The following KCNU1 variants were observed in gnomAD, a reference collection of about 807,000 sequenced individuals.
KCNU1 encodes potassium calcium-activated channel subfamily U member 1.
KCNU1 carries 93 observed loss-of-function variants against 126.8 expected under a neutral mutation model. The observed-to-expected ratio is 0.73, with a 90% CI of 0.62 to 0.87. The LOEUF (loss-of-function observed/expected upper bound fraction) is 0.87. Among genes scored for constraint, KCNU1 ranks in the 40% least tolerant of loss-of-function variants. The pLI, the probability that KCNU1 is intolerant of heterozygous loss-of-function variation, is 0.00. For synonymous variants in KCNU1, 523 were observed against 494.2 expected, an observed-to-expected ratio of 1.06 and a Z score of -0.77; for missense variants, 1,330 against 1,367.1, an observed-to-expected ratio of 0.97 and a Z score of 0.43.
At chr8:36,861,068 A>G (rs1016373803) in intron 18 of KCNU1, among the ~76,000 whole-genome samples, 1 of 152,126 alleles carries the variant, frequency 6.6e-6, no homozygotes, top group Non-Finnish European at 1.5e-5. Context: ...AGCTTAGCTT[A>G]TTTAACAGCA....
intron 22 of KCNU1, among the ~76,000 whole-genome samples, chr8:36,918,401 AT>A (rs1004035763): frequency 8.6e-5 from 13 of 151,992 alleles, no homozygotes; most frequent in Admixed American, 4.6e-4. Context: ...AAAAAAAAAA[AT>A]AAATTAGCTG....
At chr8:36,926,005 A>G (rs761309651) in intron 24 of KCNU1, among the ~76,000 whole-genome samples, 4 of 152,210 alleles carry the variant, frequency 2.6e-5, no homozygotes, top group South Asian at 2.1e-4. Flanking sequence ...CTTTTCCTAC[A>G]TAGATCTCTA....
chr8:36,837,010 A>G, intron 14 of KCNU1, 65 bp downstream of exon 14: 1 of 1,530,146 alleles, frequency 6.5e-7, no homozygotes. Flanking sequence ...AAGATCAGAA[A>G]TAGGAAAAAA....
intron 2 of KCNU1, among the ~76,000 whole-genome samples, 194 bp from the exon 3 acceptor site, chr8:36,803,833 T>G (rs564135678): frequency 7.9e-5 from 12 of 152,208 alleles, no homozygotes; most frequent in Non-Finnish European, 1.5e-4. Flanking sequence ...TTTTTAATAC[T>G]CAGAAAAGGT....
chr8:36,814,411 C>G (rs1386963405), intron 8 of KCNU1, 34 bp downstream of exon 8: 4 of 1,408,504 alleles, frequency 2.8e-6, no homozygotes, highest in Non-Finnish European at 3.9e-6. Flanking sequence ...TTGAATATAG[C>G]TACATAAACC....
intron 13 of KCNU1, 132 bp downstream of exon 13, chr8:36,836,497 A>G: frequency 1.5e-6 from 1 of 649,594 alleles, no homozygotes; most frequent in Non-Finnish European, 2.7e-6. Context: ...TCTTATTAAG[A>G]TGGATAATCA....
intron 2 of KCNU1, among the ~76,000 whole-genome samples, chr8:36,788,707 T>C (rs932273567): frequency 1.3e-5 from 2 of 152,222 alleles, no homozygotes; most frequent in African/African-American, 4.8e-5. Context: ...TCCGAAGTTT[T>C]TGATCTCTTT....
At chr8:36,860,857 C>A (rs888366158) in intron 18 of KCNU1, among the ~76,000 whole-genome samples, 2 of 150,620 alleles carry the variant, frequency 1.3e-5, no homozygotes, top group Non-Finnish European at 2.9e-5. Flanking sequence ...AGTAGGTGGT[C>A]CAAATATGGA....
At chr8:36,843,777 C>T (rs1342910019) in intron 16 of KCNU1, among the ~76,000 whole-genome samples, 6 of 152,298 alleles carry the variant, frequency 3.9e-5, no homozygotes, top group Non-Finnish European at 7.4e-5. Context: ...AGAGATCCTA[C>T]GACTTGCAAA....
At chr8:36,881,020 T>C (rs1806455636) in intron 19 of KCNU1, among the ~76,000 whole-genome samples, 1 of 152,078 alleles carries the variant, frequency 6.6e-6, no homozygotes, top group Non-Finnish European at 1.5e-5. Flanking sequence ...AGGAGCACCC[T>C]GGAAGTTCTC....
At chr8:36,800,489 G>A (rs1385041867) in intron 2 of KCNU1, among the ~76,000 whole-genome samples, 1 of 152,160 alleles carries the variant, frequency 6.6e-6, no homozygotes, top group Non-Finnish European at 1.5e-5. Flanking sequence ...TTTCTGATGT[G>A]CTTCCTAGAA....
intron 10 of KCNU1, 61 bp from the exon 11 acceptor site, chr8:36,833,493 C>A: frequency 1.0e-6 from 1 of 965,332 alleles, no homozygotes; most frequent in Non-Finnish European, 1.7e-6. Context: ...TTATAAAAAC[C>A]TCTAAACCCA....
At chr8:36,830,280 TCTTTA>T (rs1364709878) in intron 10 of KCNU1, among the ~76,000 whole-genome samples, 4 of 151,738 alleles carry the variant, frequency 2.6e-5, no homozygotes, top group African/African-American at 9.7e-5. Flanking sequence ...TGATATCTTT[TCTTTA>T]CTTCTCATTT....
At chr8:36,846,574 G>C (rs996525654) in intron 18 of KCNU1, among the ~76,000 whole-genome samples, 6 of 151,982 alleles carry the variant, frequency 3.9e-5, no homozygotes, top group South Asian at 2.1e-4. Flanking sequence ...GAGGCCAAGG[G>C]GGGTGGATCA....
intron 19 of KCNU1, among the ~76,000 whole-genome samples, chr8:36,874,277 C>CAA (rs1235569518): frequency 8.5e-5 from 13 of 152,152 alleles, no homozygotes; most frequent in Admixed American, 8.5e-4. Flanking sequence ...AAGCAATAGT[C>CAA]ATGTTCCTTA....
chr8:36,805,849 A>G (rs1433614885), intron 4 of KCNU1, among the ~76,000 whole-genome samples: 1 of 152,136 alleles, frequency 6.6e-6, no homozygotes, highest in Non-Finnish European at 1.5e-5. Context: ...ATATAAAAAC[A>G]TCTTATTTTT....
intron 1 of KCNU1, among the ~76,000 whole-genome samples, chr8:36,785,438 A>C (rs1276651075): frequency 6.6e-6 from 1 of 152,186 alleles, no homozygotes; most frequent in Non-Finnish European, 1.5e-5. Flanking sequence ...AATATTGAAA[A>C]TTTGCTTAAA....
At chr8:36,862,416 A>G (rs546481487) in intron 18 of KCNU1, among the ~76,000 whole-genome samples, 13 of 152,146 alleles carry the variant, frequency 8.5e-5, no homozygotes, top group African/African-American at 2.9e-4. Context: ...ACAATTTTCA[A>G]TTTCCTTTTT....
intron 19 of KCNU1, among the ~76,000 whole-genome samples, chr8:36,869,307 T>C (rs879772978): frequency 2.6e-5 from 4 of 152,262 alleles, no homozygotes; most frequent in Admixed American, 2.6e-4. Flanking sequence ...TTGTTTTGTT[T>C]GGCCCTATCA....
Sources: gnomAD v4.1 joint callset for allele counts (sites outside exome capture counted in the v4.1 genomes callset) on GRCh38, gnomAD v4.1.1 for gene constraint, MANE v1.5 for transcripts, NCBI Gene and HGNC (gene_info 2026-07-23, HGNC 2026-07-21) for gene names.